Variants in CLYBL observed in about 807,000 individuals in gnomAD.
CLYBL encodes the protein citramalyl-CoA lyase.
Under a neutral mutation model 38.9 loss-of-function variants are expected in CLYBL, and 31 were observed. The observed-to-expected ratio is 0.80, with a 90% CI of 0.60 to 1.08. The LOEUF is 1.08. Among genes scored for constraint, CLYBL ranks in the 50% least tolerant of loss-of-function variants. CLYBL has a pLI of 0.00. For missense variants in CLYBL, 434 were observed against 411.6 expected, an observed-to-expected ratio of 1.05 and a Z score of -0.47; for synonymous variants, 171 against 158.6, an observed-to-expected ratio of 1.08 and a Z score of -0.59.
chr13:99,889,937 C>T (rs1420781999), intron 7 of CLYBL, among the ~76,000 whole-genome samples: 1 of 152,142 alleles, frequency 6.6e-6, no homozygotes, highest in Admixed American at 6.5e-5. Context: ...TTGCCCCAGC[C>T]ACCCCCAGAT....
intron 2 of CLYBL, among the ~76,000 whole-genome samples, chr13:99,781,959 T>C (rs2049664717): frequency 6.6e-6 from 1 of 152,266 alleles, no homozygotes; most frequent in East Asian, 1.9e-4. Flanking sequence ...CAGTTATTTC[T>C]CTCGCACTGT....
At chr13:99,871,163 T>C (rs2051884483) in intron 7 of CLYBL, 101 bp downstream of exon 7, 1 of 1,352,674 alleles carries the variant, frequency 7.4e-7, no homozygotes, top group Non-Finnish European at 1.1e-6. Flanking sequence ...AAACTCATCG[T>C]ATCTGGAGAG....
chr13:99,645,744 A>T (rs908751910), intron 1 of CLYBL, among the ~76,000 whole-genome samples: 17 of 151,998 alleles, frequency 1.1e-4, no homozygotes, highest in African/African-American at 2.9e-4. Flanking sequence ...CCTTTCTCAG[A>T]TGGATGGTTT....
chr13:99,780,713 C>CTT (rs11300050), intron 2 of CLYBL, among the ~76,000 whole-genome samples: 44 of 124,214 alleles, frequency 3.5e-4, no homozygotes, highest in South Asian at 3.2e-3. Flanking sequence ...AATCCATTGT[C>CTT]TTTTTTTTTT....
At chr13:99,658,142 G>A (rs2047355752) in intron 1 of CLYBL, among the ~76,000 whole-genome samples, 1 of 152,236 alleles carries the variant, frequency 6.6e-6, no homozygotes, top group Non-Finnish European at 1.5e-5. Flanking sequence ...GCAGAAGGCC[G>A]CCTGCGTGCG....
At chr13:99,606,813 C>G in intron 1 of CLYBL, 56 bp downstream of exon 1, 1 of 1,321,444 alleles carries the variant, frequency 7.6e-7, no homozygotes, top group Non-Finnish European at 9.6e-7. Context: ...CGGGTCGGCT[C>G]CTGTTGCAGC....
At chr13:99,643,834 C>T (rs775498588) in intron 1 of CLYBL, among the ~76,000 whole-genome samples, 93 of 151,954 alleles carry the variant, frequency 6.1e-4, no homozygotes, top group Non-Finnish European at 1.0e-3. Flanking sequence ...GGTGAAACCC[C>T]GTCTCCACTA....
chr13:99,677,468 G>T (rs2047670783), intron 1 of CLYBL, among the ~76,000 whole-genome samples: 1 of 152,130 alleles, frequency 6.6e-6, no homozygotes, highest in Non-Finnish European at 1.5e-5. Flanking sequence ...TTAAATATGA[G>T]TGCACGTGTG....
chr13:99,638,265 G>A lies in CLYBL; in HGVS notation c.62+31508G>A, dbSNP rs58181754. Among the ~76,000 whole-genome samples the A allele has an allele frequency of 4.7e-3, 711 of 152,256 alleles. 2 individuals are homozygous for A. Among genetic ancestry groups the A allele is most frequent in the African/African-American group, 0.016 (685 of 41,542 alleles). ...GAGCCACTGTGCCCAGCTTAATGAT[G>A]CTATTAAACTACACCTGTTAACCTT... On this transcript the variant is annotated intron_variant, in intron 1 of 8. Transcript: ENST00000339105.
chr13:99,619,262 C>CA (rs1339529680), intron 1 of CLYBL, among the ~76,000 whole-genome samples: 17 of 152,252 alleles, frequency 1.1e-4, no homozygotes, highest in African/African-American at 3.8e-4. Context: ...AGAGAGTTTT[C>CA]CAGTCTTGCC....
intron 1 of CLYBL, among the ~76,000 whole-genome samples, chr13:99,739,480 CGGGCCCACGGAAAGCCTGT>C (rs2048716697): frequency 6.6e-6 from 1 of 152,158 alleles, no homozygotes; most frequent in Non-Finnish European, 1.5e-5. Flanking sequence ...ATCCCTGTTA[CGGGCCCACGGAAAGCCTGT>C]GGATGCCCAC....
chr13:99,864,197 G>GTTTC (rs57876568), intron 4 of CLYBL, among the ~76,000 whole-genome samples: 39,057 of 151,914 alleles, frequency 0.26, 5,337 homozygotes, highest in East Asian at 0.43. Context: ...CCGGTTCCTC[G>GTTTC]TTTCTTTCCC....
chr13:99,763,422 A>T lies in CLYBL; in HGVS notation c.63-9402A>T, dbSNP rs34924763. ...ATGCTTTTTTGGCATCCATTGAAAT[A>T]ATCATATAGTCTTTGTTCTTGGTTC... On this transcript the variant is annotated intron_variant, in intron 1 of 8. Coordinates refer to ENST00000339105, the MANE Select transcript of CLYBL (RefSeq NM_206808.5). Among the ~76,000 whole-genome samples, 747 of 152,216 alleles carry T rather than the reference A, an allele frequency of 4.9e-3. 4 individuals are homozygous for T. Among genetic ancestry groups the T allele is most frequent in the South Asian group, 0.028 (137 of 4,820 alleles).
intron 1 of CLYBL, among the ~76,000 whole-genome samples, chr13:99,661,500 T>C (rs1440122266): frequency 6.6e-6 from 1 of 152,208 alleles, no homozygotes; most frequent in Non-Finnish European, 1.5e-5. Flanking sequence ...TTTAAACCTG[T>C]ATATTTATTT....
intron 2 of CLYBL, among the ~76,000 whole-genome samples, chr13:99,848,727 C>T (rs2051263675): frequency 6.6e-6 from 1 of 152,342 alleles, no homozygotes; most frequent in African/African-American, 2.4e-5. Context: ...TGCTAGAAAC[C>T]AGAAATTCTA....
chr13:99,684,265 T>G (rs977848874), intron 1 of CLYBL, among the ~76,000 whole-genome samples: 2 of 147,290 alleles, frequency 1.4e-5, no homozygotes, highest in African/African-American at 5.1e-5. Context: ...CTGCAACCTC[T>G]GTCTCTCAGG....
Position 99,865,263 on chromosome 13 carries a change from A to G in CLYBL, c.634+352A>G, listed in dbSNP as rs547254497. 2.7e-5 allele frequency: 9 copies of G among 334,082 alleles called. No individual in the cohort carries two copies. The East Asian group carries it at 6.0e-4, about 22-fold the overall frequency. The allele number at this position is 334,082 out of a possible 1,614,324, so 20.7% of individuals were successfully genotyped here. On this transcript the variant is annotated intron_variant, in intron 5 of 8. Transcript: ENST00000339105. This position sits in a 1 kb window ranked among gnomAD's most constrained non-coding sequence, Gnocchi z 4.7. ...ACCGTTGCTTCAGTATTTTGTTTTC[A>G]TATCAGTCTGTGGGCTGTCTAGATT...
chr13:99,635,580 C>T (rs1263197597), intron 1 of CLYBL, among the ~76,000 whole-genome samples: 1 of 152,174 alleles, frequency 6.6e-6, no homozygotes, highest in Admixed American at 6.5e-5. Context: ...TTCTCACCTC[C>T]AGAGATGCTG....
chr13:99,645,990 A>G (rs890063602), intron 1 of CLYBL, among the ~76,000 whole-genome samples: 1 of 152,104 alleles, frequency 6.6e-6, no homozygotes, highest in Non-Finnish European at 1.5e-5. Context: ...TGGCTGAGAA[A>G]TTCCCTAATT....
Sources: gnomAD v4.1 joint callset for allele counts (sites outside exome capture counted in the v4.1 genomes callset) on GRCh38, gnomAD v4.1.1 for gene constraint, Gnocchi (gnomAD v3.1) non-coding constraint, MANE v1.5 for transcripts, NCBI Gene and HGNC (gene_info 2026-07-23, HGNC 2026-07-21) for gene names.